Variants in KCNB2 observed in about 807,000 individuals in gnomAD.
KCNB2 encodes potassium voltage-gated channel subfamily B member 2.
Under a neutral mutation model 61.5 loss-of-function variants are expected in KCNB2, and 15 were observed. The observed-to-expected ratio is 0.24, with a 90% CI of 0.16 to 0.38. The LOEUF is 0.38. Ranked by LOEUF, KCNB2 falls within the 10% of genes least tolerant of loss-of-function variation. The pLI is 1.00. For synonymous variants in KCNB2, 457 were observed against 446.0 expected (o/e 1.02, Z -0.31); for missense variants, 828 against 1,125.2 (o/e 0.74, Z 3.78).
chr8:72,632,285 G>A lies in KCNB2; in HGVS notation c.579+63972G>A, dbSNP rs146077351. On this transcript the variant is annotated intron_variant, in intron 2 of 2. Transcript: ENST00000523207. The stretch of plus-strand genomic sequence containing the variant: ...GGGCAATGGAAAAAAATCAAAAGAC[G>A]AATATTATTTCATGAAGTGAAAATT... Among the ~76,000 whole-genome samples the A allele has an allele frequency of 3.9e-3, 586 of 151,964 alleles. 8 individuals are homozygous for A. The South Asian group carries it at 0.049, about 13-fold the overall frequency.
chr8:72,816,698 G>A (rs73297718), intron 2 of KCNB2, among the ~76,000 whole-genome samples: 4,124 of 152,248 alleles, frequency 0.027, 62 homozygotes, highest in African/African-American at 0.038. Context: ...TTGACCTGTC[G>A]TAGTGCAGTT....
At chr8:72,645,321 T>A (rs941899036) in intron 2 of KCNB2, among the ~76,000 whole-genome samples, 1 of 152,188 alleles carries the variant, frequency 6.6e-6, no homozygotes, top group Non-Finnish European at 1.5e-5. Flanking sequence ...ACAGACCATA[T>A]ATTCTGTGGT....
chr8:72,774,772 T>C (rs1459484910), intron 2 of KCNB2, among the ~76,000 whole-genome samples: 5 of 152,158 alleles, frequency 3.3e-5, no homozygotes, highest in Non-Finnish European at 7.3e-5. Context: ...TTATATACAC[T>C]GCAATATGTT....
In KCNB2 at chr8:72,554,357, G is replaced by C. The variant is rs572930018; in HGVS notation, c.-93-13285G>C. 3.9e-4 allele frequency among the ~76,000 whole-genome samples: 59 copies of C among 152,012 alleles called. No individual in the cohort carries two copies. The South Asian group carries it at 0.012, about 32-fold the overall frequency. On this transcript the variant is annotated intron_variant, in intron 1 of 2. Transcript: ENST00000523207. ...TCCGTATTTCTTATTTATATTTTAT[G>C]GTCTTTTTCCATTCTGACCATTATT...
intron 2 of KCNB2, among the ~76,000 whole-genome samples, chr8:72,792,898 C>G (rs1808969734): frequency 6.6e-6 from 1 of 152,178 alleles, no homozygotes; most frequent in African/African-American, 2.4e-5. Flanking sequence ...TCCCGGAATT[C>G]TTTTTATCCT....
intron 2 of KCNB2, among the ~76,000 whole-genome samples, chr8:72,776,808 G>A (rs1563381940): frequency 6.6e-6 from 1 of 152,188 alleles, no homozygotes; most frequent in Non-Finnish European, 1.5e-5. Flanking sequence ...CGGAGCAAAG[G>A]TCTTTAGGGA....
intron 2 of KCNB2, among the ~76,000 whole-genome samples, chr8:72,832,310 G>T (rs939746359): frequency 1.1e-4 from 16 of 152,076 alleles, no homozygotes; most frequent in African/African-American, 3.9e-4. Context: ...TATGGTCAGG[G>T]TTATATTTTC....
At position 72,937,732 on chromosome 8, in the gene KCNB2, C is replaced by G. The variant is rs138679918; in HGVS notation, c.2377C>G (p.Leu793Val). 5.0e-6 allele frequency: 8 copies of G among 1,614,054 alleles called. No homozygotes were observed. The highest frequency in any genetic ancestry group is 6.8e-6 in the Non-Finnish European group (8 of 1,180,016). The stretch of plus-strand genomic sequence containing the variant: ...GTCCCCCAGGTTTCCCAAGCAGAAA[C>G]TGTTCCCTTTCTCTTCAAGAGAGAG... ...GLSPRFPKQK[L>V]FPFSSRERRS... Residue 793 changes from leucine (L) to valine (V), a missense_variant, in exon 3 of 3, where the codon CTG becomes GTG. Leu to Val is a conservative substitution (Grantham distance 32). This residue lies in a region of KCNB2 where 559 missense variants were observed against 588.4 expected (regional missense o/e 0.95). Coordinates refer to ENST00000523207, the MANE Select transcript of KCNB2 (RefSeq NM_004770.3).
At chr8:72,729,840 G>T (rs1162089330) in intron 2 of KCNB2, among the ~76,000 whole-genome samples, 1 of 151,596 alleles carries the variant, frequency 6.6e-6, no homozygotes, top group Admixed American at 6.6e-5. Context: ...CTGAGATCAT[G>T]TGTCATTACA....
intron 2 of KCNB2, among the ~76,000 whole-genome samples, chr8:72,611,674 G>A (rs772823943): frequency 5.9e-5 from 9 of 152,120 alleles, no homozygotes; most frequent in Non-Finnish European, 1.2e-4. Flanking sequence ...AATGGACTAT[G>A]GAAGGGATAC....
intron 2 of KCNB2, among the ~76,000 whole-genome samples, chr8:72,752,571 C>A (rs1808210140): frequency 6.6e-6 from 1 of 152,134 alleles, no homozygotes. Flanking sequence ...AGTTCTCAGG[C>A]CTTCGGGCTC....
intron 2 of KCNB2, among the ~76,000 whole-genome samples, chr8:72,651,174 A>C (rs1381538332): frequency 6.6e-6 from 1 of 152,312 alleles, no homozygotes; most frequent in East Asian, 1.9e-4. Context: ...CAATATAAAC[A>C]TGTTTAGAGT....
chr8:72,598,837 C>G lies in KCNB2; in HGVS notation c.579+30524C>G, dbSNP rs1036995754. Reference sequence around the variant, plus strand: ...CAGAGAGCCAAATCATGAGTGAACTCCCATTCACAATTGCTTCAAAGAGAA... The same window carrying G: ...CAGAGAGCCAAATCATGAGTGAACTGCCATTCACAATTGCTTCAAAGAGAA... On this transcript the variant is annotated intron_variant, in intron 2 of 2. Coordinates refer to ENST00000523207, the MANE Select transcript of KCNB2 (RefSeq NM_004770.3). Among the ~76,000 whole-genome samples the G allele has an allele frequency of 4.6e-5, 7 of 152,270 alleles. No individual in the cohort carries two copies. The South Asian group carries it at 1.5e-3, about 32-fold the overall frequency.
At chr8:72,788,481 C>T (rs1217996486) in intron 2 of KCNB2, among the ~76,000 whole-genome samples, 1 of 152,078 alleles carries the variant, frequency 6.6e-6, no homozygotes, top group Non-Finnish European at 1.5e-5. Flanking sequence ...ACCTAATTAC[C>T]CCCTGAAAGG....
chr8:72,822,460 G>T (rs1809527229), intron 2 of KCNB2, among the ~76,000 whole-genome samples: 1 of 152,200 alleles, frequency 6.6e-6, no homozygotes, highest in Non-Finnish European at 1.5e-5. Context: ...ACGCTTAAGT[G>T]TTGAGTGAGG....
intron 2 of KCNB2, among the ~76,000 whole-genome samples, chr8:72,761,287 C>T (rs1014758523): frequency 6.6e-6 from 1 of 152,042 alleles, no homozygotes; most frequent in Non-Finnish European, 1.5e-5. Flanking sequence ...CTGCAGCAGG[C>T]GTCTGTCATG....
chr8:72,786,300 C>T (rs1808845098), intron 2 of KCNB2, among the ~76,000 whole-genome samples: 1 of 151,988 alleles, frequency 6.6e-6, no homozygotes, highest in Admixed American at 6.6e-5. Context: ...TGACAAATCT[C>T]TTATTAGCCA....
At chr8:72,675,170 G>A (rs1302307793) in intron 2 of KCNB2, among the ~76,000 whole-genome samples, 2 of 151,984 alleles carry the variant, frequency 1.3e-5, no homozygotes, top group African/African-American at 2.4e-5. Context: ...AGTATATCTA[G>A]GTATATTGGA....
chr8:72,559,429 G>A (rs1338175278), intron 1 of KCNB2, among the ~76,000 whole-genome samples: 1 of 152,148 alleles, frequency 6.6e-6, no homozygotes, highest in Non-Finnish European at 1.5e-5. Flanking sequence ...ACAGGTGTGA[G>A]CCACCGCACC....
Sources: gnomAD v4.1 joint callset for allele counts (sites outside exome capture counted in the v4.1 genomes callset) on GRCh38, gnomAD v4.1.1 for gene constraint, gnomAD v4.1.1 regional missense constraint, MANE v1.5 for transcripts, NCBI Gene and HGNC (gene_info 2026-07-23, HGNC 2026-07-21) for gene names.